The following ACVR2A variants were observed in gnomAD, a reference collection of about 807,000 sequenced individuals.
ACVR2A encodes activin A receptor type 2A, also known as activin receptor type-2A.
A neutral mutation model predicts 61.4 loss-of-function variants in ACVR2A; 7 were observed. The observed-to-expected ratio is 0.11, with a 90% CI of 0.06 to 0.21. The LOEUF (loss-of-function observed/expected upper bound fraction) is 0.21. Among genes scored for constraint, ACVR2A ranks in the 10% least tolerant of loss-of-function variants. ACVR2A has a pLI of 1.00. For missense variants in ACVR2A, 322 were observed against 621.7 expected, an observed-to-expected ratio of 0.52 and a Z score of 5.13; for synonymous variants, 193 against 208.3, an observed-to-expected ratio of 0.93 and a Z score of 0.63.
chr2:147,889,365 G>A (rs536052268), intron 1 of ACVR2A, among the ~76,000 whole-genome samples: 24 of 152,090 alleles, frequency 1.6e-4, no homozygotes, highest in African/African-American at 5.8e-4. Context: ...GTATAAAATT[G>A]GTGTTGATAT....
intron 4 of ACVR2A, among the ~76,000 whole-genome samples, chr2:147,906,693 A>G (rs1467508176): frequency 6.6e-6 from 1 of 152,164 alleles, no homozygotes; most frequent in Non-Finnish European, 1.5e-5. Context: ...TAATACTTTG[A>G]AATTAACTTG....
Position 147,920,254 on chromosome 2 carries a change from G to T in ACVR2A, c.987G>T (p.Leu329=). ...GGGACATCAAAAGTAAAAATGTGCT[G>T]TTGAAAAACAACCTGACAGCTTGCA... The part of the protein sequence containing the change: ...SHRDIKSKNV[L]LKNNLTACIA... The change falls in exon 8 of 11, where the codon CTG becomes CTT. Residue 329 remains leucine, a synonymous_variant. Coordinates refer to ENST00000241416, the MANE Select transcript of ACVR2A (RefSeq NM_001616.5). 6.2e-7 allele frequency: 1 copy of T among 1,613,294 alleles called. No individual in the cohort carries two copies.
chr2:147,899,052 T>C (rs1686812628), intron 2 of ACVR2A, among the ~76,000 whole-genome samples: 1 of 152,284 alleles, frequency 6.6e-6, no homozygotes, highest in Non-Finnish European at 1.5e-5. Flanking sequence ...TATATAGTTT[T>C]CAGTTTTTGT....
At chr2:147,867,524 A>G (rs919399289) in intron 1 of ACVR2A, among the ~76,000 whole-genome samples, 4 of 152,044 alleles carry the variant, frequency 2.6e-5, no homozygotes, top group African/African-American at 9.7e-5. Context: ...CCAATGTGTT[A>G]GTTCCATCCT....
At chr2:147,913,385 G>A (rs1055780190) in intron 4 of ACVR2A, among the ~76,000 whole-genome samples, 2 of 151,840 alleles carry the variant, frequency 1.3e-5, no homozygotes, top group African/African-American at 4.8e-5. Flanking sequence ...GCCATTTTCT[G>A]TATACTTTAG....
chr2:147,903,234 A>G (rs1338817621), intron 4 of ACVR2A, among the ~76,000 whole-genome samples: 1 of 151,580 alleles, frequency 6.6e-6, no homozygotes, highest in East Asian at 1.9e-4. Context: ...GGCATAGAAA[A>G]AAGCAGTTTT....
intron 8 of ACVR2A, among the ~76,000 whole-genome samples, chr2:147,921,808 A>C (rs1307696261): frequency 6.6e-6 from 1 of 152,154 alleles, no homozygotes; most frequent in East Asian, 1.9e-4. Flanking sequence ...TGACTCATTC[A>C]TGTCATATTT....
At chr2:147,924,420 TATTC>T (rs1469983288) in intron 9 of ACVR2A, among the ~76,000 whole-genome samples, 2 of 151,990 alleles carry the variant, frequency 1.3e-5, no homozygotes, top group Admixed American at 1.3e-4. Flanking sequence ...AGTACATAGG[TATTC>T]AATAAATGTT....
At chr2:147,891,784 T>C (rs1033985615) in intron 1 of ACVR2A, among the ~76,000 whole-genome samples, 2 of 152,128 alleles carry the variant, frequency 1.3e-5, no homozygotes, top group Non-Finnish European at 2.9e-5. Flanking sequence ...AATCTTTACA[T>C]AAAAAAATTG....
chr2:147,848,985 T>C (rs1685385962), intron 1 of ACVR2A, among the ~76,000 whole-genome samples: 1 of 152,180 alleles, frequency 6.6e-6, no homozygotes, highest in African/African-American at 2.4e-5. Context: ...ATCTTTTCAT[T>C]ATCTTTTAAA....
intron 1 of ACVR2A, among the ~76,000 whole-genome samples, chr2:147,858,028 C>T (rs1160050415): frequency 6.6e-6 from 1 of 152,098 alleles, no homozygotes; most frequent in Non-Finnish European, 1.5e-5. Context: ...GTCTTCCCAT[C>T]ATTTAGCTTT....
chr2:147,869,256 T>C (rs1480705096), intron 1 of ACVR2A, among the ~76,000 whole-genome samples: 1 of 152,212 alleles, frequency 6.6e-6, no homozygotes, highest in African/African-American at 2.4e-5. Context: ...TTGAAATTGG[T>C]AAACCTGGAA....
intron 1 of ACVR2A, among the ~76,000 whole-genome samples, chr2:147,863,359 A>G (rs1408610567): frequency 1.3e-5 from 2 of 152,178 alleles, no homozygotes; most frequent in Non-Finnish European, 2.9e-5. Context: ...CTCTGAAATG[A>G]AAGTACACTG....
intron 1 of ACVR2A, among the ~76,000 whole-genome samples, chr2:147,857,545 A>AC (rs975237951): frequency 2.6e-5 from 4 of 151,590 alleles, no homozygotes; most frequent in African/African-American, 9.7e-5. Flanking sequence ...AAAAAAAAAA[A>AC]AAAAAACAAA....
intron 1 of ACVR2A, among the ~76,000 whole-genome samples, chr2:147,879,707 T>C (rs995198984): frequency 2.6e-5 from 4 of 152,176 alleles, no homozygotes; most frequent in South Asian, 2.1e-4. Context: ...CCAAGGGTAG[T>C]GGGAAGCCAT....
intron 1 of ACVR2A, among the ~76,000 whole-genome samples, chr2:147,862,420 A>G (rs990840838): frequency 6.6e-6 from 1 of 151,994 alleles, no homozygotes; most frequent in Non-Finnish European, 1.5e-5. Context: ...TTTCTCAATC[A>G]CTTTTGCTTT....
intron 4 of ACVR2A, among the ~76,000 whole-genome samples, chr2:147,909,000 A>G (rs1333781136): frequency 3.3e-5 from 5 of 152,136 alleles, no homozygotes; most frequent in Admixed American, 3.3e-4. Context: ...TGTTTACTAA[A>G]TATCTCCATT....
At chr2:147,845,355 C>CCCCG in intron 1 of ACVR2A, 148 bp downstream of exon 1, 1 of 531,988 alleles carries the variant, frequency 1.9e-6, no homozygotes, top group South Asian at 2.5e-5. Context: ...ACCGCCCCCC[C>CCCCG]CCCCCGCCCC....
intron 1 of ACVR2A, among the ~76,000 whole-genome samples, chr2:147,882,296 A>T (rs1686324819): frequency 6.6e-6 from 1 of 152,252 alleles, no homozygotes; most frequent in African/African-American, 2.4e-5. Context: ...CATGACTGTA[A>T]TCCCAGCACT....
Sources: allele counts gnomAD v4.1 joint callset (sites outside exome capture counted in the v4.1 genomes callset), GRCh38; gene constraint gnomAD v4.1.1; transcripts MANE v1.5; gene names NCBI Gene and HGNC (gene_info 2026-07-23, HGNC 2026-07-21).